The following EYA4 variants were observed in gnomAD, a reference collection of about 807,000 sequenced individuals.
The protein encoded by EYA4 is EYA transcriptional coactivator and phosphatase 4, also known as protein phosphatase EYA4.
Under a neutral mutation model 87.9 loss-of-function variants are expected in EYA4, and 31 were observed. That is an observed-to-expected ratio of 0.35 (90% confidence interval 0.27 to 0.48). EYA4 has a LOEUF of 0.48. Ranked by LOEUF, EYA4 falls within the 20% of genes least tolerant of loss-of-function variation. The pLI, the probability that EYA4 is intolerant of heterozygous loss-of-function variation, is 0.99. For missense variants in EYA4, 678 were observed against 761.4 expected (o/e 0.89, Z 1.29); for synonymous variants, 263 against 270.6 (o/e 0.97, Z 0.28).
intron 2 of EYA4, among the ~76,000 whole-genome samples, chr6:133,375,026 G>A (rs1785565554): frequency 6.6e-6 from 1 of 151,908 alleles, no homozygotes; most frequent in South Asian, 2.1e-4. Context: ...AACTCTTGGT[G>A]ACAACTTTTG....
At chr6:133,466,893 G>A (rs998839290) in intron 10 of EYA4, among the ~76,000 whole-genome samples, 3 of 152,044 alleles carry the variant, frequency 2.0e-5, no homozygotes, top group Non-Finnish European at 4.4e-5. Context: ...AAGGAATTTG[G>A]ATTCTATTCC....
intron 1 of EYA4, chr6:133,248,247 G>C (rs980926559): frequency 8.5e-5 from 13 of 152,098 alleles, no homozygotes; most frequent in African/African-American, 3.1e-4. Flanking sequence ...GTAAATTATT[G>C]CTACTATTTC....
At chr6:133,385,448 A>T (rs1370576651) in intron 3 of EYA4, among the ~76,000 whole-genome samples, 6 of 149,038 alleles carry the variant, frequency 4.0e-5, no homozygotes, top group African/African-American at 1.5e-4. Flanking sequence ...TGTGAGAGAG[A>T]GAGAGAGAGA....
intron 2 of EYA4, among the ~76,000 whole-genome samples, chr6:133,302,655 C>A (rs999346867): frequency 2.6e-5 from 4 of 152,126 alleles, no homozygotes; most frequent in African/African-American, 9.7e-5. Flanking sequence ...CAACAACTTA[C>A]TATTTATCAG....
intron 2 of EYA4, among the ~76,000 whole-genome samples, chr6:133,374,787 T>C (rs991314011): frequency 6.6e-6 from 1 of 152,000 alleles, no homozygotes; most frequent in African/African-American, 2.4e-5. Flanking sequence ...CCTAACTACA[T>C]GAAAAGAATT....
intron 14 of EYA4, among the ~76,000 whole-genome samples, chr6:133,511,486 T>C (rs1047052582): frequency 3.3e-5 from 5 of 151,338 alleles, no homozygotes; most frequent in Non-Finnish European, 7.4e-5. Flanking sequence ...TATTTTTATT[T>C]ATTATATATT....
chr6:133,510,209 A>G (rs995846352), intron 14 of EYA4, among the ~76,000 whole-genome samples: 5 of 152,220 alleles, frequency 3.3e-5, no homozygotes, highest in African/African-American at 1.2e-4. Flanking sequence ...ATGAGAGGAT[A>G]TTAAATAGAG....
chr6:133,395,440 A>T (rs1165878242), intron 3 of EYA4, among the ~76,000 whole-genome samples: 1 of 152,156 alleles, frequency 6.6e-6, no homozygotes, highest in Non-Finnish European at 1.5e-5. Flanking sequence ...TTTAAATGTC[A>T]TCTGTAAATA....
At chr6:133,277,723 G>A (rs1260996213) in intron 2 of EYA4, among the ~76,000 whole-genome samples, 3 of 152,138 alleles carry the variant, frequency 2.0e-5, no homozygotes, top group African/African-American at 7.2e-5. Flanking sequence ...CCCTCTCCCA[G>A]CTTTTCTTCC....
chr6:133,521,203 G>C (rs531509919), intron 17 of EYA4, among the ~76,000 whole-genome samples: 1 of 151,882 alleles, frequency 6.6e-6, no homozygotes, highest in East Asian at 1.9e-4. Context: ...GAAAATTTTC[G>C]CAACCTACTC....
At position 133,463,979 on chromosome 6, in the gene EYA4, G is replaced by A. The variant is rs1457142808; in HGVS notation, c.725-800G>A. On this transcript the variant is annotated intron_variant, in intron 9 of 19. Transcript: ENST00000355286. Reference sequence around the variant, plus strand: ...CAGACAGTATTTTTTTTTTTTTCACGAATACTTTCATACTGGTTATTCCAG... The same window carrying A: ...CAGACAGTATTTTTTTTTTTTTCACAAATACTTTCATACTGGTTATTCCAG... 1.5e-4 allele frequency among the ~76,000 whole-genome samples: 23 copies of A among 149,026 alleles called. 1 individual carries two copies. The highest frequency in any genetic ancestry group is 7.4e-5 in the African/African-American group (3 of 40,374).
chr6:133,467,386 A>AGGATTAAAT (rs1344405873), intron 10 of EYA4, among the ~76,000 whole-genome samples: 5 of 152,130 alleles, frequency 3.3e-5, no homozygotes, highest in Admixed American at 6.6e-5. Context: ...AGAGAGTATA[A>AGGATTAAAT]GGATTAAATG....
intron 7 of EYA4, 117 bp downstream of exon 7, chr6:133,461,297 A>T: frequency 1.3e-6 from 1 of 797,290 alleles, no homozygotes; most frequent in Middle Eastern, 2.2e-4. Context: ...TCCTGTACAA[A>T]TTTGAAATGG....
intron 2 of EYA4, among the ~76,000 whole-genome samples, chr6:133,326,544 T>C (rs1781511376): frequency 6.6e-6 from 1 of 152,224 alleles, no homozygotes; most frequent in Non-Finnish European, 1.5e-5. Context: ...TTGGTGTGTG[T>C]TATTGGTGTG....
chr6:133,330,200 C>T (rs1274199880), intron 2 of EYA4, among the ~76,000 whole-genome samples: 1 of 151,972 alleles, frequency 6.6e-6, no homozygotes, highest in African/African-American at 2.4e-5. Flanking sequence ...AAGAGCGTCT[C>T]CTTATAGGAT....
chr6:133,512,074 A>G (rs1799200785), intron 14 of EYA4, among the ~76,000 whole-genome samples: 1 of 152,144 alleles, frequency 6.6e-6, no homozygotes, highest in Admixed American at 6.5e-5. Context: ...ATAAATCGTC[A>G]TTATTTCCCT....
intron 6 of EYA4, among the ~76,000 whole-genome samples, chr6:133,459,446 C>T (rs1012863109): frequency 3.9e-5 from 6 of 152,024 alleles, no homozygotes; most frequent in South Asian, 4.1e-4. Flanking sequence ...CATGATTCAG[C>T]GTCTCTTTGG....
rs1796210608 is a variant in EYA4 at position 133,481,466 on chromosome 6, A to C, written c.974A>C (p.Glu325Ala). 1.2e-6 allele frequency: 2 copies of C among 1,613,540 alleles called. No individual in the cohort carries two copies. Among genetic ancestry groups the C allele is most frequent in the African/African-American group, 2.7e-5 (2 of 74,876 alleles). The change falls in exon 12 of 20, where the codon GAG becomes GCG. Residue 325 changes from glutamate (E) to alanine (A), a missense_variant. Glu to Ala is a moderately radical substitution (Grantham distance 107). Transcript: ENST00000355286. ...SLPGLTNQPG[E>A]FDTMQSPSTP... ...ACCTAAGTCATGTTATCTATAGGAG[A>C]GTTCGATACCATGCAGAGTCCCTCC...
At chr6:133,434,880 T>G (rs1791511211) in intron 3 of EYA4, among the ~76,000 whole-genome samples, 1 of 152,212 alleles carries the variant, frequency 6.6e-6, no homozygotes, top group Non-Finnish European at 1.5e-5. Context: ...ATGTTTTGAT[T>G]GTGGTCTTAT....
Sources: gnomAD v4.1 joint callset for allele counts (sites outside exome capture counted in the v4.1 genomes callset) on GRCh38, gnomAD v4.1.1 for gene constraint, MANE v1.5 for transcripts, NCBI Gene and HGNC (gene_info 2026-07-23, HGNC 2026-07-21) for gene names.